MAP7D1: variants seen among roughly 807,000 people sequenced by gnomAD.
The protein encoded by MAP7D1 is MAP7 domain-containing protein 1.
MAP7D1 carries 30 observed loss-of-function variants against 97.5 expected under a neutral mutation model. That is an observed-to-expected ratio of 0.31 (90% CI 0.23 to 0.42). The LOEUF is 0.42. Ranked by LOEUF, MAP7D1 falls within the 10% of genes least tolerant of loss-of-function variation. The pLI is 1.00. For missense variants in MAP7D1, 1,184 were observed against 1,179.5 expected (o/e 1.00, Z -0.06); for synonymous variants, 536 against 477.1 (o/e 1.12, Z -1.61).
At chr1:36,171,811 G>A in intron 3 of MAP7D1, 1 of 380,594 alleles carries the variant, frequency 2.6e-6, no homozygotes, top group Non-Finnish European at 5.0e-6. Flanking sequence ...GCACATCCCT[G>A]TAATCCCAGC....
At chr1:36,178,369 G>C (rs1330486562) in intron 9 of MAP7D1, 50 bp from the exon 10 acceptor site, 23 of 1,564,068 alleles carry the variant, frequency 1.5e-5, no homozygotes, top group Non-Finnish European at 2.0e-5. Context: ...GGGAGATGAC[G>C]GCGGTGTCTG....
At chr1:36,165,170 C>G (rs140230186) in intron 1 of MAP7D1, among the ~76,000 whole-genome samples, 1 of 152,298 alleles carries the variant, frequency 6.6e-6, no homozygotes, top group Non-Finnish European at 1.5e-5. Context: ...GTTGCCCAAG[C>G]TGGTATACAG....
In MAP7D1 at chr1:36,171,666, C is replaced by T. The variant is rs550192880; in HGVS notation, c.460+85C>T. The stretch of plus-strand genomic sequence containing the variant: ...ACACCAACAGGCTGGGGCGCAGTGG[C>T]TCACGCCTGTAATCCCAGCACTTTG... On this transcript the variant is annotated intron_variant, in intron 3 of 16. Coordinates refer to ENST00000474796, the MANE Select transcript of MAP7D1 (RefSeq NM_001388490.1). 257 of 1,448,398 alleles carry T rather than the reference C, an allele frequency of 1.8e-4. 1 individual carries two copies. The South Asian group carries it at 2.9e-3, about 16-fold the overall frequency. The allele number at this position is 1,448,398 out of a possible 1,614,324, so 89.7% of individuals were successfully genotyped here.
At chr1:36,161,556 T>C (rs1276419086) in intron 1 of MAP7D1, among the ~76,000 whole-genome samples, 1 of 152,212 alleles carries the variant, frequency 6.6e-6, no homozygotes, top group East Asian at 1.9e-4. Context: ...CCTCATAGGA[T>C]TATGGCAAAG....
At position 36,159,436 on chromosome 1, in the gene MAP7D1, T is replaced by C. The variant is rs1439611902; in HGVS notation, c.46+2973T>C. Reference sequence around the variant, plus strand: ...TGATTAGAATTGTAGGAGGTAAGTATAGGACAAGAAGGCAGCGGAGAGGGG... The same window carrying C: ...TGATTAGAATTGTAGGAGGTAAGTACAGGACAAGAAGGCAGCGGAGAGGGG... On this transcript the variant is annotated intron_variant, in intron 1 of 16. Transcript: ENST00000474796. The surrounding 1 kb of genome is among the most constrained non-coding windows in gnomAD (Gnocchi z 5.4). 2.0e-5 allele frequency among the ~76,000 whole-genome samples: 3 copies of C among 152,138 alleles called. No homozygotes were observed. The highest frequency in any genetic ancestry group is 7.2e-5 in the African/African-American group (3 of 41,410).
At chr1:36,174,619 G>T (rs548212685) in intron 5 of MAP7D1, among the ~76,000 whole-genome samples, 2 of 152,262 alleles carry the variant, frequency 1.3e-5, no homozygotes, top group Admixed American at 1.3e-4. Context: ...GTAAGGAATG[G>T]CTTCCTTGGT....
chr1:36,169,252 G>GAA (rs35202518), intron 1 of MAP7D1, among the ~76,000 whole-genome samples: 3 of 112,362 alleles, frequency 2.7e-5, no homozygotes, highest in Non-Finnish European at 3.7e-5. Flanking sequence ...GCTCTGTCTT[G>GAA]AAAAAAAAAA....
chr1:36,171,673 C>T, intron 3 of MAP7D1, 92 bp downstream of exon 3: 1 of 1,398,516 alleles, frequency 7.2e-7, no homozygotes, highest in Non-Finnish European at 1.0e-6. Flanking sequence ...TGGCTCACGC[C>T]TGTAATCCCA....
rs561215900 is a variant in MAP7D1 at position 36,180,177 on chromosome 1, C to T, written c.2513-71C>T. 1.3e-4 allele frequency: 202 copies of T among 1,612,094 alleles called. 2 individuals carry two copies. In the South Asian group the frequency reaches 2.0e-3, roughly 16 times the overall value. On this transcript the variant is annotated intron_variant, in intron 16 of 16. Coordinates refer to ENST00000474796, the MANE Select transcript of MAP7D1 (RefSeq NM_001388490.1). ...TGCCAGGCACCCTCTCCTGCTCCAC[C>T]CTGAAGACCCCCAGCTATCTGGGCT...
chr1:36,176,082 C>A lies in MAP7D1; in HGVS notation c.851-117C>A. 1.7e-6 allele frequency: 2 copies of A among 1,156,676 alleles called. No homozygotes were observed. The highest frequency in any genetic ancestry group is 2.4e-6 in the Non-Finnish European group (2 of 835,886). The allele number at this position is 1,156,676 out of a possible 1,614,324, so 71.7% of individuals were successfully genotyped here. ...CCCCGGTGTGATTGTGGGGAGAGGA[C>A]TCCCGGGTGAGAAGCCTTGGCCTTG... is the stretch of plus-strand genomic sequence containing the variant. On this transcript the variant is annotated intron_variant, in intron 6 of 16. Transcript: ENST00000474796. The surrounding 1 kb of genome is among the most constrained non-coding windows in gnomAD (Gnocchi z 6.1).
intron 1 of MAP7D1, among the ~76,000 whole-genome samples, chr1:36,169,487 C>T (rs978343671): frequency 5.3e-5 from 8 of 150,876 alleles, no homozygotes; most frequent in African/African-American, 1.5e-4. Context: ...ACCCAGGAGG[C>T]GGAGCTTGCG....
rs767614666 is a variant in MAP7D1, at chr1:36,176,489, C to T, written c.1141C>T (p.Arg381Cys). The T allele has an allele frequency of 1.4e-6, 2 of 1,389,150 alleles. No individual in the cohort carries two copies. Among genetic ancestry groups the T allele is most frequent in the Non-Finnish European group, 1.9e-6 (2 of 1,074,038 alleles). 86.1% of individuals were successfully genotyped at this position (1,389,150 alleles called of 1,614,324 possible). A position where few individuals can be genotyped will look rare whatever the true frequency, so the allele number is the denominator to read the frequency against. ...TPCSVTRSVH[R>C]CAPAGERGER... ...GTGCAGCGTCACCCGAAGCGTGCACCGCTGCGCCCCCGCCGGTGAGCGCGG... is the reference window on the plus strand; with the variant it reads ...GTGCAGCGTCACCCGAAGCGTGCACTGCTGCGCCCCCGCCGGTGAGCGCGG... Residue 381 changes from arginine (R) to cysteine (C), a missense_variant, in exon 7 of 17, where the codon CGC becomes TGC. Arg to Cys is a radical substitution (Grantham distance 180). Coordinates refer to ENST00000474796, the MANE Select transcript of MAP7D1 (RefSeq NM_001388490.1). This position sits in a 1 kb window ranked among gnomAD's most constrained non-coding sequence, Gnocchi z 6.1.
chr1:36,167,100 C>T (rs1644483197), intron 1 of MAP7D1, among the ~76,000 whole-genome samples: 1 of 152,064 alleles, frequency 6.6e-6, no homozygotes, highest in Non-Finnish European at 1.5e-5. Flanking sequence ...TTGTCGTCAG[C>T]AGTGATGGTA....
In MAP7D1 at chr1:36,176,520, G is replaced by A. The variant is rs1385318585; in HGVS notation, c.1172G>A (p.Arg391His). 9.5e-6 allele frequency: 13 copies of A among 1,373,138 alleles called. No individual in the cohort carries two copies. Among genetic ancestry groups the A allele is most frequent in the Non-Finnish European group, 1.1e-5 (12 of 1,063,932 alleles). The allele number at this position is 1,373,138 out of a possible 1,614,324, so 85.1% of individuals were successfully genotyped here. The change falls in exon 7 of 17, where the codon CGC (arginine) becomes CAC (histidine). Residue 391 changes from arginine to histidine, a missense_variant. By Grantham distance (29) the Arg-to-His change is conservative (BLOSUM62 0). Transcript: ENST00000474796. The surrounding 1 kb of genome is among the most constrained non-coding windows in gnomAD (Gnocchi z 6.1). ...GCCCCCGCCGGTGAGCGCGGGGAGCGCCGCAAGCCCAACGCCGGGGGCAGC... is the reference window on the plus strand; with the variant it reads ...GCCCCCGCCGGTGAGCGCGGGGAGCACCGCAAGCCCAACGCCGGGGGCAGC... ...RCAPAGERGE[R>H]RKPNAGGSPA...
At chr1:36,166,037 T>C (rs1644471077) in intron 1 of MAP7D1, among the ~76,000 whole-genome samples, 1 of 152,068 alleles carries the variant, frequency 6.6e-6, no homozygotes, top group Admixed American at 6.6e-5. Flanking sequence ...GCCCAGTTTG[T>C]AGTTTTAAAT....
Position 36,176,136 on chromosome 1 carries a change from T to TTGCCTCTTCC in MAP7D1, c.851-56_851-47dup. ...TGGGGATGGTGCCTGGTCTGCTCCC[T>TTGCCTCTTCC]TGCCTCTTCCTGCCTCCTACGGCCC... On this transcript the variant is annotated intron_variant, in intron 6 of 16. Coordinates refer to ENST00000474796, the MANE Select transcript of MAP7D1 (RefSeq NM_001388490.1). The surrounding 1 kb of genome is among the most constrained non-coding windows in gnomAD (Gnocchi z 6.1). 6.3e-7 allele frequency: 1 copy of TTGCCTCTTCC among 1,575,012 alleles called. No individual in the cohort carries two copies.
In MAP7D1 at chr1:36,174,837, C is replaced by T. The variant is rs564961451; in HGVS notation, c.740-61C>T. The T allele has an allele frequency of 6.4e-4, 626 of 975,070 alleles. 3 individuals are homozygous for T. Among genetic ancestry groups the T allele is most frequent in the South Asian group, 5.4e-3 (411 of 75,922 alleles). 60.4% of individuals were successfully genotyped at this position (975,070 alleles called of 1,614,324 possible). On this transcript the variant is annotated intron_variant, in intron 5 of 16. Coordinates refer to ENST00000474796, the MANE Select transcript of MAP7D1 (RefSeq NM_001388490.1). ...TCGGAGCATCCTGCATGGAAGGCCT[C>T]GGTGCCCCCCACTGGCTCCTGCCGG...
At position 36,180,401 on chromosome 1, in the gene MAP7D1, A is replaced by G. The variant is rs568480032; in HGVS notation, c.*143A>G. ...GTCCTCTCTGTTGTTTTTAATCTGC[A>G]CCTTATAGACTGATGTCTCTTTGGC... On this transcript the variant is annotated 3_prime_UTR_variant, in exon 17 of 17. Coordinates refer to ENST00000474796, the MANE Select transcript of MAP7D1 (RefSeq NM_001388490.1). 7.2e-5 allele frequency: 79 copies of G among 1,090,594 alleles called. No individual in the cohort carries two copies. The highest frequency in any genetic ancestry group is 1.0e-4 in the Non-Finnish European group (74 of 715,562). The allele number at this position is 1,090,594 out of a possible 1,614,324, so 67.6% of individuals were successfully genotyped here.
rs866139522 is a variant in MAP7D1 at position 36,178,163 on chromosome 1, C to T, written c.1670C>T (p.Pro557Leu). Residue 557 changes from proline (P) to leucine (L), a missense_variant, in exon 9 of 17, where the codon CCG becomes CTG. Transcript: ENST00000474796. ...CCGGCGCCCTCGCCCACCCCAGCCC[C>T]GCCCCAGAAGGAGCAGCCCCCCGCG... ...PSPAPSPTPAPPQKEQPPAET... is the reference protein window; with the variant it reads ...PSPAPSPTPALPQKEQPPAET... 2 of 1,579,188 alleles carry T rather than the reference C, an allele frequency of 1.3e-6. No individual in the cohort carries two copies. Among genetic ancestry groups the T allele is most frequent in the Non-Finnish European group, 8.6e-7 (1 of 1,163,882 alleles).
Sources: gnomAD v4.1 joint callset for allele counts (sites outside exome capture counted in the v4.1 genomes callset) on GRCh38, gnomAD v4.1.1 for gene constraint, Gnocchi (gnomAD v3.1) non-coding constraint, MANE v1.5 for transcripts, NCBI Gene and HGNC (gene_info 2026-07-23, HGNC 2026-07-21) for gene names.